Variants in SOX6 observed in about 807,000 individuals in gnomAD.
The protein encoded by SOX6 is SRY-box transcription factor 6.
In SOX6, 11 loss-of-function variants were observed where a neutral mutation model predicts 97.8. That is an observed-to-expected ratio of 0.11 (90% CI 0.07 to 0.19). The LOEUF is 0.19. SOX6 is among the 10% of genes least tolerant of loss of function. The pLI, the probability that SOX6 is intolerant of heterozygous loss-of-function variation, is 1.00. For synonymous variants in SOX6, 360 were observed against 371.4 expected, an observed-to-expected ratio of 0.97 and a Z score of 0.35; for missense variants, 810 against 1,039.5, an observed-to-expected ratio of 0.78 and a Z score of 3.04.
At chr11:16,198,832 A>G (rs569859995) in intron 4 of SOX6, among the ~76,000 whole-genome samples, 1 of 152,318 alleles carries the variant, frequency 6.6e-6, no homozygotes, top group South Asian at 2.1e-4. Context: ...CTCCCTACCC[A>G]AGTTCAAAGC....
intron 2 of SOX6, among the ~76,000 whole-genome samples, chr11:16,719,979 A>C (rs556684528): frequency 6.6e-6 from 1 of 152,342 alleles, no homozygotes; most frequent in East Asian, 1.9e-4. Context: ...GTAAATTATA[A>C]AGACATAATG....
chr11:16,350,269 T>C (rs550580221), intron 1 of SOX6, among the ~76,000 whole-genome samples: 1 of 152,282 alleles, frequency 6.6e-6, no homozygotes, highest in Non-Finnish European at 1.5e-5. Context: ...AAGACATTGG[T>C]TGAACATCGG....
intron 6 of SOX6, among the ~76,000 whole-genome samples, chr11:16,158,865 GGTGT>G (rs10549567): frequency 0.014 from 2,061 of 145,924 alleles, 17 homozygotes; most frequent in African/African-American, 0.023. Context: ...TGAAGTTACA[GGTGT>G]GTGTGTGTGT....
chr11:16,593,969 A>G (rs2133973952), intron 4 of SOX6, among the ~76,000 whole-genome samples: 1 of 152,366 alleles, frequency 6.6e-6, no homozygotes, highest in South Asian at 2.1e-4. Flanking sequence ...TGCTCTATTT[A>G]CACAGCTCCT....
Position 16,397,180 on chromosome 11 carries a change from T to C in SOX6, c.-4-55928A>G, listed in dbSNP as rs370342705. The stretch of plus-strand genomic sequence containing the variant: ...GACTTAGTTCGTTTTAGTAATCATT[T>C]CTCCATGCCCATTTCCTTGTTCTTA... On this transcript the variant is annotated intron_variant, in intron 1 of 15. Transcript: ENST00000396356. Among the ~76,000 whole-genome samples, 3 of 151,596 alleles carry C rather than the reference T, an allele frequency of 2.0e-5. No homozygotes were observed. The East Asian group carries it at 5.8e-4, about 29-fold the overall frequency.
chr11:16,682,217 A>G lies in SOX6; in HGVS notation n.429+32613T>C, dbSNP rs765912117. Among the ~76,000 whole-genome samples, 10 of 152,300 alleles carry G rather than the reference A, an allele frequency of 6.6e-5. No individual in the cohort carries two copies. The East Asian group carries it at 1.7e-3, about 26-fold the overall frequency. ...ACATTGGTGTGAAAATCCTCAATAAAATACTGGCAGGAGAATGGCATGAAC... is the reference window on the plus strand; with the variant it reads ...ACATTGGTGTGAAAATCCTCAATAAGATACTGGCAGGAGAATGGCATGAAC... On this transcript the variant is annotated intron_variant and non_coding_transcript_variant, in intron 3 of 5. Transcript: ENST00000524520.
intron 4 of SOX6, among the ~76,000 whole-genome samples, chr11:16,510,351 C>T (rs768032701): frequency 1.3e-5 from 2 of 151,892 alleles, no homozygotes; most frequent in Non-Finnish European, 2.9e-5. Flanking sequence ...AATTCTATAC[C>T]GCCCTATTTT....
At chr11:16,616,416 A>T (rs908330049) in intron 3 of SOX6, among the ~76,000 whole-genome samples, 2 of 152,122 alleles carry the variant, frequency 1.3e-5, no homozygotes, top group Non-Finnish European at 2.9e-5. Flanking sequence ...AAAATTTGTT[A>T]CTTAAAAATC....
chr11:16,012,936 A>G (rs545957257), intron 13 of SOX6, among the ~76,000 whole-genome samples: 2 of 152,206 alleles, frequency 1.3e-5, no homozygotes, highest in South Asian at 4.1e-4. Context: ...GTTTCAATCT[A>G]GACAATCTAG....
At chr11:16,523,461 T>C (rs1385380465) in intron 4 of SOX6, among the ~76,000 whole-genome samples, 2 of 151,856 alleles carry the variant, frequency 1.3e-5, no homozygotes, top group Non-Finnish European at 2.9e-5. Flanking sequence ...CATACCAGAA[T>C]CTCTGGGACA....
intron 1 of SOX6, among the ~76,000 whole-genome samples, chr11:16,419,845 C>T (rs1014287325): frequency 1.3e-5 from 2 of 152,096 alleles, no homozygotes; most frequent in African/African-American, 4.8e-5. Flanking sequence ...GCTCCCTGTA[C>T]CTCATAAGTG....
intron 4 of SOX6, among the ~76,000 whole-genome samples, chr11:16,514,153 C>A (rs1860924701): frequency 6.7e-6 from 1 of 148,498 alleles, no homozygotes; most frequent in Middle Eastern, 3.4e-3. Context: ...ATGGTCAAGG[C>A]TGCAGTGAGC....
intron 1 of SOX6, among the ~76,000 whole-genome samples, chr11:16,351,974 A>G (rs946115214): frequency 6.6e-6 from 1 of 152,118 alleles, no homozygotes; most frequent in Admixed American, 6.6e-5. Flanking sequence ...AGAAACACTC[A>G]GTAAATACTT....
intron 13 of SOX6, among the ~76,000 whole-genome samples, chr11:16,013,674 T>A (rs576178436): frequency 7.1e-6 from 1 of 140,746 alleles, no homozygotes; most frequent in Non-Finnish European, 1.6e-5. Flanking sequence ...CACATATACA[T>A]CCTAATCAGA....
chr11:16,143,419 A>G (rs1850201871), intron 6 of SOX6, among the ~76,000 whole-genome samples: 1 of 152,184 alleles, frequency 6.6e-6, no homozygotes, highest in South Asian at 2.1e-4. Context: ...AAAGATCATC[A>G]AGGCTAGGAA....
intron 3 of SOX6, among the ~76,000 whole-genome samples, chr11:16,705,603 G>T (rs1482322566): frequency 6.6e-6 from 1 of 151,864 alleles, no homozygotes; most frequent in Admixed American, 6.6e-5. Flanking sequence ...CTCCAACCTG[G>T]ACAACAGAGC....
At chr11:16,700,643 A>G (rs1848085769) in intron 3 of SOX6, among the ~76,000 whole-genome samples, 1 of 151,950 alleles carries the variant, frequency 6.6e-6, no homozygotes, top group South Asian at 2.1e-4. Flanking sequence ...TTTCTTCTCC[A>G]CTCCCACTCT....
intron 3 of SOX6, among the ~76,000 whole-genome samples, chr11:16,698,050 C>T (rs180976992): frequency 6.6e-6 from 1 of 152,286 alleles, no homozygotes; most frequent in East Asian, 1.9e-4. Flanking sequence ...AAGACACTAG[C>T]CACATTAGCC....
intron 13 of SOX6, among the ~76,000 whole-genome samples, chr11:16,011,244 T>G (rs1854716264): frequency 6.6e-6 from 1 of 152,068 alleles, no homozygotes; most frequent in African/African-American, 2.4e-5. Flanking sequence ...AATCAAGCCC[T>G]CTCTTCCTTA....
Sources: gnomAD v4.1 joint callset for allele counts (sites outside exome capture counted in the v4.1 genomes callset) on GRCh38, gnomAD v4.1.1 for gene constraint, MANE v1.5 for transcripts, NCBI Gene and HGNC (gene_info 2026-07-23, HGNC 2026-07-21) for gene names.